DLG2: variants seen among roughly 807,000 people sequenced by gnomAD.
DLG2 encodes the protein discs large MAGUK scaffold protein 2.
A neutral mutation model predicts 132.5 loss-of-function variants in DLG2; 45 were observed. That is an observed-to-expected ratio of 0.34 (90% confidence interval 0.27 to 0.44). DLG2 has a LOEUF of 0.44. DLG2 is among the 20% of genes least tolerant of loss of function. DLG2 has a pLI of 1.00. For missense variants in DLG2, 1,045 were observed against 1,196.9 expected (o/e 0.87, Z 1.87); for synonymous variants, 424 against 419.6 (o/e 1.01, Z -0.13).
chr11:83,980,636 C>A lies in DLG2; in HGVS notation c.926G>T (p.Gly309Val), dbSNP rs764502858. The A allele has an allele frequency of 2.5e-6, 4 of 1,598,760 alleles. No individual in the cohort carries two copies. Among genetic ancestry groups the A allele is most frequent in the Admixed American group, 1.8e-5 (1 of 56,290 alleles). Residue 309 changes from glycine to valine, a missense_variant, in exon 12 of 28, where the codon GGC (glycine) becomes GTC (valine). Around this residue, in one of 4 missense-constraint regions of DLG2, gnomAD observed 109 missense variants for 159.1 expected, o/e 0.69. Transcript: ENST00000376104. ...CCCCACACCTCCTGCAATACTGAAG[C>A]CTAAACCTATAAGAAAGGAACAGAA... ...IKLFKGPKGL[G>V]FSIAGGVGNQ...
intron 3 of DLG2, among the ~76,000 whole-genome samples, chr11:85,304,732 T>A (rs1451579556): frequency 6.6e-6 from 1 of 152,160 alleles, no homozygotes; most frequent in African/African-American, 2.4e-5. Flanking sequence ...ACAGAATACT[T>A]CTTGATTAAA....
At chr11:85,420,172 CTTCTAACA>C (rs1439260921) in intron 3 of DLG2, among the ~76,000 whole-genome samples, 1 of 152,034 alleles carries the variant, frequency 6.6e-6, no homozygotes, top group African/African-American at 2.4e-5. Flanking sequence ...TTTAGTTTTC[CTTCTAACA>C]GTCAGGCCCC....
chr11:84,215,274 A>G (rs1256719839), intron 8 of DLG2, among the ~76,000 whole-genome samples: 1 of 152,200 alleles, frequency 6.6e-6, no homozygotes, highest in African/African-American at 2.4e-5. Context: ...TAGGCATAGT[A>G]TCTTGGTCTG....
chr11:84,062,239 G>T (rs1201186876), intron 10 of DLG2, among the ~76,000 whole-genome samples: 1 of 152,148 alleles, frequency 6.6e-6, no homozygotes, highest in Non-Finnish European at 1.5e-5. Flanking sequence ...CAGTCAGGAG[G>T]CCTGGATTTG....
At chr11:84,298,782 A>C (rs1032824061) in intron 7 of DLG2, among the ~76,000 whole-genome samples, 1 of 152,214 alleles carries the variant, frequency 6.6e-6, no homozygotes, top group African/African-American at 2.4e-5. Flanking sequence ...AGAGAGAGAG[A>C]GAGAAAAGCA....
At chr11:83,709,239 GTGTGTGTGTGTATA>G (rs1450490658) in intron 18 of DLG2, among the ~76,000 whole-genome samples, 1 of 150,458 alleles carries the variant, frequency 6.6e-6, no homozygotes, top group Non-Finnish European at 1.5e-5. Flanking sequence ...CACTGTGTGT[GTGTGTGTGTGTATA>G]TGTGTGTATA....
chr11:84,851,643 T>C (rs183348141), intron 6 of DLG2, among the ~76,000 whole-genome samples: 2 of 152,040 alleles, frequency 1.3e-5, no homozygotes, highest in Admixed American at 1.3e-4. Context: ...TTTTGGGGAG[T>C]TGATGGAGGG....
At chr11:84,808,644 T>C (rs1390683869) in intron 6 of DLG2, among the ~76,000 whole-genome samples, 2 of 151,892 alleles carry the variant, frequency 1.3e-5, no homozygotes, top group Non-Finnish European at 2.9e-5. Flanking sequence ...CCTGGAGACA[T>C]CCAGAGGACA....
intron 3 of DLG2, among the ~76,000 whole-genome samples, chr11:85,465,216 C>T (rs1208889351): frequency 1.4e-5 from 2 of 146,362 alleles, no homozygotes; most frequent in African/African-American, 5.0e-5. Flanking sequence ...AATCATAGCT[C>T]ACTGGAAACT....
At chr11:84,693,854 T>C (rs1031826995) in intron 6 of DLG2, among the ~76,000 whole-genome samples, 33 of 151,756 alleles carry the variant, frequency 2.2e-4, no homozygotes, top group African/African-American at 7.5e-4. Flanking sequence ...ACTACTCATC[T>C]GGAAAACTAT....
At chr11:84,514,234 C>T (rs1404880128) in intron 7 of DLG2, among the ~76,000 whole-genome samples, 1 of 151,822 alleles carries the variant, frequency 6.6e-6, no homozygotes, top group East Asian at 1.9e-4. Context: ...CTGTTGTAAA[C>T]TGCTGTTGGG....
At chr11:85,163,382 CTAAT>C (rs554154993) in intron 4 of DLG2, among the ~76,000 whole-genome samples, 1 of 152,006 alleles carries the variant, frequency 6.6e-6, no homozygotes, top group Non-Finnish European at 1.5e-5. Context: ...CTGAAGAACT[CTAAT>C]TGGCCAGAGA....
At chr11:85,421,936 C>A (rs1252378263) in intron 3 of DLG2, among the ~76,000 whole-genome samples, 1 of 152,122 alleles carries the variant, frequency 6.6e-6, no homozygotes, top group African/African-American at 2.4e-5. Flanking sequence ...ATCTTTCCTT[C>A]ATATATAAAG....
intron 5 of DLG2, among the ~76,000 whole-genome samples, chr11:85,131,834 C>T (rs1320736374): frequency 6.6e-6 from 1 of 152,132 alleles, no homozygotes; most frequent in African/African-American, 2.4e-5. Flanking sequence ...GGGACATCTA[C>T]ACTTAGTTAA....
intron 3 of DLG2, among the ~76,000 whole-genome samples, chr11:85,301,409 A>G (rs960769612): frequency 2.0e-5 from 3 of 152,170 alleles, no homozygotes; most frequent in South Asian, 2.1e-4. Flanking sequence ...GAGAGAATCA[A>G]TGAATGGATG....
At chr11:83,514,808 T>C (rs373659280) in intron 21 of DLG2, among the ~76,000 whole-genome samples, 2 of 152,170 alleles carry the variant, frequency 1.3e-5, no homozygotes, top group African/African-American at 4.8e-5. Context: ...TTGTCATTGG[T>C]TCTGTTTATA....
chr11:83,825,660 G>T (rs1332719398), intron 17 of DLG2, among the ~76,000 whole-genome samples: 5 of 152,118 alleles, frequency 3.3e-5, no homozygotes. Flanking sequence ...CAAGATGGAG[G>T]TAGGAGGGAG....
intron 3 of DLG2, among the ~76,000 whole-genome samples, chr11:85,407,970 A>C (rs947205104): frequency 2.0e-5 from 3 of 151,520 alleles, no homozygotes; most frequent in Non-Finnish European, 2.9e-5. Flanking sequence ...GATCTGAGGG[A>C]TATGGGTCAG....
chr11:84,272,380 A>G, intron 7 of DLG2: 2 of 386,934 alleles, frequency 5.2e-6, no homozygotes, highest in Non-Finnish European at 1.1e-5. Context: ...AAATTTTAGC[A>G]GAGATTATTT....
Sources: allele counts gnomAD v4.1 joint callset (sites outside exome capture counted in the v4.1 genomes callset), GRCh38; gene constraint gnomAD v4.1.1; regional missense constraint gnomAD v4.1.1; transcripts MANE v1.5; gene names NCBI Gene and HGNC (gene_info 2026-07-23, HGNC 2026-07-21).